The following NTRK3 variants were observed in gnomAD, a reference collection of about 807,000 sequenced individuals.
NTRK3 encodes the protein neurotrophic receptor tyrosine kinase 3.
In NTRK3, 24 loss-of-function variants were observed where a neutral mutation model predicts 91.7. The observed-to-expected ratio is 0.26, with a 90% CI of 0.19 to 0.37. The LOEUF (loss-of-function observed/expected upper bound fraction) is 0.37. Among genes scored for constraint, NTRK3 ranks in the 10% least tolerant of loss-of-function variants. The pLI, the probability that NTRK3 is intolerant of heterozygous loss-of-function variation, is 1.00. For synonymous variants in NTRK3, 483 were observed against 404.0 expected (o/e 1.20, Z -2.34); for missense variants, 880 against 1,068.9 (o/e 0.82, Z 2.46).
intron 3 of NTRK3, among the ~76,000 whole-genome samples, chr15:88,199,882 C>A (rs937199747): frequency 6.6e-6 from 1 of 152,196 alleles, no homozygotes; most frequent in African/African-American, 2.4e-5. Context: ...TTCAGCAGGA[C>A]AGCCTGGGCC....
chr15:88,200,434 C>A lies in NTRK3; in HGVS notation c.249-16135G>T, dbSNP rs555382183. Among the ~76,000 whole-genome samples, 45 of 152,344 alleles carry A rather than the reference C, an allele frequency of 3.0e-4. No homozygotes were observed. The South Asian group carries it at 8.9e-3, about 30-fold the overall frequency. On this transcript the variant is annotated intron_variant, in intron 3 of 18. Transcript: ENST00000394480. ...CACTGATATGGTTTGGCTGTGCCCC[C>A]ACCCAAATCTCATCTTGAGTTGTAG...
At chr15:88,193,210 C>T (rs902162653) in intron 3 of NTRK3, among the ~76,000 whole-genome samples, 8 of 152,134 alleles carry the variant, frequency 5.3e-5, no homozygotes, top group African/African-American at 1.9e-4. Flanking sequence ...CCCTGAGCAG[C>T]CCAGGGCCCT....
chr15:88,048,884 G>T (rs776720980), intron 13 of NTRK3, among the ~76,000 whole-genome samples: 2 of 152,166 alleles, frequency 1.3e-5, no homozygotes, highest in Non-Finnish European at 2.9e-5. Context: ...CAGCACTGCT[G>T]TAAATACAAC....
chr15:88,076,617 G>C (rs1022994144), intron 13 of NTRK3, among the ~76,000 whole-genome samples: 1 of 146,332 alleles, frequency 6.8e-6, no homozygotes, highest in Non-Finnish European at 1.5e-5. Flanking sequence ...CAGGGAACTT[G>C]TCTTCACAGA....
chr15:87,880,421 C>T (rs760489177), exon 18 of NTRK3: 1 of 1,614,032 alleles, frequency 6.2e-7, no homozygotes, highest in Non-Finnish European at 8.5e-7. Context: ...CATGGTGTGT[C>T]CTCCCACCTA....
intron 14 of NTRK3, among the ~76,000 whole-genome samples, chr15:87,974,888 G>T (rs1012277377): frequency 3.9e-5 from 6 of 152,134 alleles, no homozygotes; most frequent in Non-Finnish European, 7.4e-5. Flanking sequence ...GGGGTTGGAG[G>T]GGGGAGCACC....
chr15:87,955,144 C>T (rs908895109), intron 14 of NTRK3, among the ~76,000 whole-genome samples: 2 of 152,174 alleles, frequency 1.3e-5, no homozygotes, highest in African/African-American at 4.8e-5. Context: ...GGAGTGCATG[C>T]TAAAAATAAG....
At chr15:88,205,418 C>T (rs1301614598) in intron 3 of NTRK3, among the ~76,000 whole-genome samples, 3 of 152,168 alleles carry the variant, frequency 2.0e-5, no homozygotes, top group Non-Finnish European at 4.4e-5. Context: ...TCCCCAAGGT[C>T]CCACAGAGGT....
At chr15:88,012,161 T>C (rs1044417738) in intron 14 of NTRK3, among the ~76,000 whole-genome samples, 1 of 152,198 alleles carries the variant, frequency 6.6e-6, no homozygotes, top group Non-Finnish European at 1.5e-5. Flanking sequence ...TTCAGCTCTT[T>C]GGCTGCCATC....
chr15:88,189,853 T>C (rs1205841007), intron 3 of NTRK3, among the ~76,000 whole-genome samples: 1 of 152,196 alleles, frequency 6.6e-6, no homozygotes, highest in African/African-American at 2.4e-5. Context: ...TGGTACAGAA[T>C]GTGTGGTCCA....
exon 19 of NTRK3, chr15:87,873,288 C>G (rs1003511187): frequency 4.3e-6 from 1 of 230,906 alleles, no homozygotes; most frequent in Non-Finnish European, 8.6e-6. Flanking sequence ...GGAAGCAGCA[C>G]CTCCTTTTTC....
At chr15:88,063,968 G>A (rs552989364) in intron 13 of NTRK3, among the ~76,000 whole-genome samples, 3 of 152,276 alleles carry the variant, frequency 2.0e-5, no homozygotes, top group African/African-American at 7.2e-5. Context: ...GACCTTATCT[G>A]GAAATAGAGT....
intron 3 of NTRK3, among the ~76,000 whole-genome samples, chr15:88,245,875 G>T (rs1466936092): frequency 6.6e-6 from 1 of 152,104 alleles, no homozygotes; most frequent in Non-Finnish European, 1.5e-5. Flanking sequence ...AAATAATTAG[G>T]GTTGTATATG....
intron 3 of NTRK3, chr15:88,253,607 G>C (rs79807811): frequency 1.3e-5 from 2 of 152,276 alleles, no homozygotes; most frequent in Admixed American, 1.3e-4. Flanking sequence ...GCAAGGAGAG[G>C]TCATTTGACC....
intron 17 of NTRK3, among the ~76,000 whole-genome samples, chr15:87,915,048 A>T (rs1412461890): frequency 6.6e-6 from 1 of 151,878 alleles, no homozygotes; most frequent in African/African-American, 2.4e-5. Context: ...GGTGATGGTG[A>T]TGATGGTGAT....
intron 13 of NTRK3, among the ~76,000 whole-genome samples, chr15:88,046,736 G>T (rs1436601594): frequency 6.6e-6 from 1 of 152,144 alleles, no homozygotes; most frequent in Non-Finnish European, 1.5e-5. Context: ...ACAGCAGCCG[G>T]GCAAGGGCCC....
intron 5 of NTRK3, among the ~76,000 whole-genome samples, chr15:88,160,858 G>A (rs2044386441): frequency 6.6e-6 from 1 of 152,196 alleles, no homozygotes; most frequent in Non-Finnish European, 1.5e-5. Context: ...GTAGGCAATG[G>A]TTTTCGAAGA....
chr15:88,128,595 C>T, intron 11 of NTRK3, 116 bp downstream of exon 11: 1 of 1,128,220 alleles, frequency 8.9e-7, no homozygotes, highest in Non-Finnish European at 1.4e-6. Context: ...CTCAGATGCC[C>T]TCAGCTGCCA....
chr15:87,983,680 C>G (rs1336604173), intron 14 of NTRK3, among the ~76,000 whole-genome samples: 8 of 152,160 alleles, frequency 5.3e-5, no homozygotes. Flanking sequence ...GCTCTTCATA[C>G]CTCCAAAGTC....
Sources: gnomAD v4.1 joint callset for allele counts (sites outside exome capture counted in the v4.1 genomes callset) on GRCh38, gnomAD v4.1.1 for gene constraint, MANE v1.5 for transcripts, NCBI Gene and HGNC (gene_info 2026-07-23, HGNC 2026-07-21) for gene names.